The following CACNG5 variants were observed in gnomAD, a reference collection of about 807,000 sequenced individuals.
The protein encoded by CACNG5 is calcium voltage-gated channel auxiliary subunit gamma 5, also known as voltage-dependent calcium channel gamma-5 subunit.
Under a neutral mutation model 24.8 loss-of-function variants are expected in CACNG5, and 18 were observed. The observed-to-expected ratio is 0.73, with a 90% CI of 0.50 to 1.08. The LOEUF (loss-of-function observed/expected upper bound fraction) is 1.08. Among genes scored for constraint, CACNG5 ranks in the 50% least tolerant of loss-of-function variants. The pLI is 0.00. For missense variants in CACNG5, 349 were observed against 367.9 expected, an observed-to-expected ratio of 0.95 and a Z score of 0.42; for synonymous variants, 157 against 149.1, an observed-to-expected ratio of 1.05 and a Z score of -0.39.
chr17:66,842,854 A>G (rs1339211135), intron 1 of CACNG5, among the ~76,000 whole-genome samples: 2 of 152,184 alleles, frequency 1.3e-5, no homozygotes, highest in African/African-American at 4.8e-5. Flanking sequence ...GACCACTCCT[A>G]GGGTAGAGGG....
intron 1 of CACNG5, among the ~76,000 whole-genome samples, chr17:66,846,408 C>A (rs1410915036): frequency 1.3e-5 from 2 of 152,178 alleles, no homozygotes; most frequent in South Asian, 2.1e-4. Flanking sequence ...AAGGCCCTGG[C>A]AACCTCTAAT....
chr17:66,882,373 G>A (rs559647643), intron 4 of CACNG5, among the ~76,000 whole-genome samples: 2 of 152,248 alleles, frequency 1.3e-5, no homozygotes, highest in Non-Finnish European at 2.9e-5. Flanking sequence ...GGGAGGAGGT[G>A]TCCAGAAGGC....
chr17:66,878,711 C>T (rs1196201999), intron 2 of CACNG5, among the ~76,000 whole-genome samples: 1 of 152,178 alleles, frequency 6.6e-6, no homozygotes. Flanking sequence ...CAATACCAAC[C>T]TCTTTTCATG....
At position 66,877,347 on chromosome 17, in the gene CACNG5, G is replaced by A. The variant is rs772911984; in HGVS notation, c.15G>A (p.Gly5=). ...GGTCCAGGAAGATGAGTGCCTGCGGGAGGAAGGCCCTGACCCTGCTGAGCA... is the reference window on the plus strand; with the variant it reads ...GGTCCAGGAAGATGAGTGCCTGCGGAAGGAAGGCCCTGACCCTGCTGAGCA... MSAC[G]RKALTLLSSV... The change falls in exon 2 of 6, where the codon GGG becomes GGA. Residue 5 remains glycine, a synonymous_variant. Coordinates refer to ENST00000533854, the MANE Select transcript of CACNG5 (RefSeq NM_145811.3). The A allele has an allele frequency of 6.8e-6, 11 of 1,613,818 alleles. No homozygotes were observed. In the Admixed American group the frequency reaches 1.3e-4, roughly 20 times the overall value.
chr17:66,880,727 C>T lies in CACNG5; in HGVS notation c.424+30C>T, dbSNP rs756770073. The T allele has an allele frequency of 4.4e-6, 7 of 1,604,446 alleles. No individual in the cohort carries two copies. The Admixed American group carries it at 8.5e-5, about 20-fold the overall frequency. ...GTTGTGTTGTTTTCTTTTCTTGCAC[C>T]CTGGAATTTTTTGTTTTTTGTTTTT... On this transcript the variant is annotated intron_variant, in intron 4 of 5. Coordinates refer to ENST00000533854, the MANE Select transcript of CACNG5 (RefSeq NM_145811.3).
chr17:66,865,442 C>T (rs1233174652), intron 1 of CACNG5, among the ~76,000 whole-genome samples: 3 of 152,018 alleles, frequency 2.0e-5, no homozygotes, highest in Non-Finnish European at 4.4e-5. Flanking sequence ...CTCAGTCTAG[C>T]AAATCATGTA....
chr17:66,877,273 A>C lies in CACNG5; in HGVS notation c.-60A>C. The C allele has an allele frequency of 1.4e-6, 2 of 1,457,328 alleles. No homozygotes were observed. The highest frequency in any genetic ancestry group is 1.9e-6 in the Non-Finnish European group (2 of 1,052,858). 90.3% of individuals were successfully genotyped at this position (1,457,328 alleles called of 1,614,324 possible). A position where few individuals can be genotyped will look rare whatever the true frequency, so the allele number is the denominator to read the frequency against. On this transcript the variant is annotated 5_prime_UTR_variant, in exon 2 of 6. Coordinates refer to ENST00000533854, the MANE Select transcript of CACNG5 (RefSeq NM_145811.3). ...CTGCTCACCCACTCTCCCTAGCCCC[A>C]GAGCGCAGTCCGTGCTGGTGGGAGC...
chr17:66,848,350 C>T (rs942074902), intron 1 of CACNG5, among the ~76,000 whole-genome samples: 5 of 152,320 alleles, frequency 3.3e-5, no homozygotes, highest in Admixed American at 1.3e-4. Flanking sequence ...CCATAGGTGA[C>T]TGAAGTTTCA....
intron 4 of CACNG5, 88 bp from the exon 5 acceptor site, chr17:66,884,428 C>A (rs1977215803): frequency 1.4e-6 from 2 of 1,406,616 alleles, no homozygotes; most frequent in Non-Finnish European, 1.9e-6. Context: ...TGGCTTTGCT[C>A]CTGAATTGCA....
Position 66,856,004 on chromosome 17 carries a change from C to A in CACNG5, c.-104+20754C>A, listed in dbSNP as rs76695322. ...TTGTTGTTGTTGTCGTTTAACATTA[C>A]CTTGCCACATTTTCCGTCAATGACT... On this transcript the variant is annotated intron_variant, in intron 1 of 5. Transcript: ENST00000533854. Among the ~76,000 whole-genome samples the A allele has an allele frequency of 7.2e-5, 11 of 152,306 alleles. No homozygotes were observed. The South Asian group carries it at 1.9e-3, about 26-fold the overall frequency.
chr17:66,883,383 T>G (rs909603863), intron 4 of CACNG5, among the ~76,000 whole-genome samples: 5 of 152,166 alleles, frequency 3.3e-5, no homozygotes, highest in Non-Finnish European at 5.9e-5. Flanking sequence ...GCACCAATGA[T>G]TCAAACATAA....
intron 1 of CACNG5, among the ~76,000 whole-genome samples, chr17:66,838,960 CTTTTT>C (rs71160595): frequency 1.1e-5 from 1 of 88,094 alleles, no homozygotes. Flanking sequence ...CTCACCCATT[CTTTTT>C]TTTTTTTTTT....
rs146291830 is a variant in CACNG5 at position 66,866,834 on chromosome 17, G to A, written c.-103-10396G>A. ...TTAAGGTTGCATAGTATTCCATGGT[G>A]TATATGTACTACATTTTCTTTATCC... On this transcript the variant is annotated intron_variant, in intron 1 of 5. Coordinates refer to ENST00000533854, the MANE Select transcript of CACNG5 (RefSeq NM_145811.3). 8.8e-3 allele frequency among the ~76,000 whole-genome samples: 1,346 copies of A among 152,336 alleles called. 16 individuals carry two copies. The highest frequency in any genetic ancestry group is 0.02 in the Middle Eastern group (6 of 294).
intron 1 of CACNG5, among the ~76,000 whole-genome samples, chr17:66,873,205 T>G (rs555771346): frequency 6.6e-6 from 1 of 152,322 alleles, no homozygotes; most frequent in East Asian, 1.9e-4. Context: ...GAGCTAAACC[T>G]ACTCAGTCAA....
In CACNG5 at chr17:66,894,325, T is replaced by C. The variant is rs546705452; in HGVS notation, c.*9085T>C. ...TCAATGGTGGGCTTTTTTGCCTGGA[T>C]TGGGGGAAGAAAAAGTGATGGGGAA... On this transcript the variant is annotated 3_prime_UTR_variant, in exon 6 of 6. Transcript: ENST00000533854. 1.3e-5 allele frequency among the ~76,000 whole-genome samples: 2 copies of C among 152,240 alleles called. No individual in the cohort carries two copies. The highest frequency in any genetic ancestry group is 4.1e-4 in the South Asian group (2 of 4,824).
chr17:66,869,375 C>T (rs769053441), intron 1 of CACNG5, among the ~76,000 whole-genome samples: 5 of 152,192 alleles, frequency 3.3e-5, no homozygotes, highest in Admixed American at 1.3e-4. Flanking sequence ...TGAGCCAACT[C>T]GCCTGGCCAA....
intron 1 of CACNG5, among the ~76,000 whole-genome samples, chr17:66,839,338 G>C (rs1409432010): frequency 6.6e-6 from 1 of 152,076 alleles, no homozygotes; most frequent in Non-Finnish European, 1.5e-5. Flanking sequence ...GTCTGCTGTT[G>C]AGAACCACTG....
At chr17:66,878,311 G>A (rs1977112379) in intron 2 of CACNG5, among the ~76,000 whole-genome samples, 1 of 152,238 alleles carries the variant, frequency 6.6e-6, no homozygotes, top group African/African-American at 2.4e-5. Context: ...CTTGGTAGGG[G>A]CTTGTAACTT....
intron 1 of CACNG5, among the ~76,000 whole-genome samples, chr17:66,850,796 A>C (rs1407559857): frequency 6.6e-6 from 1 of 152,200 alleles, no homozygotes; most frequent in Admixed American, 6.5e-5. Flanking sequence ...ACTGAATTTG[A>C]GAGTTCTAGT....
Sources: allele counts gnomAD v4.1 joint callset (sites outside exome capture counted in the v4.1 genomes callset), GRCh38; gene constraint gnomAD v4.1.1; transcripts MANE v1.5; gene names NCBI Gene and HGNC (gene_info 2026-07-23, HGNC 2026-07-21).